Variants in GAS2 observed in about 807,000 individuals in gnomAD.
GAS2 encodes growth arrest-specific protein 2.
In GAS2, 20 loss-of-function variants were observed where a neutral mutation model predicts 37.5. That is an observed-to-expected ratio of 0.53 (90% CI 0.37 to 0.77). The LOEUF (loss-of-function observed/expected upper bound fraction) is 0.77. GAS2 is among the 30% of genes least tolerant of loss of function. The probability of loss-of-function intolerance (pLI) is 0.00; values close to 1 mark genes in which losing one functional copy is unlikely to be tolerated. For synonymous variants in GAS2, 144 were observed against 132.2 expected (o/e 1.09, Z -0.61); for missense variants, 336 against 373.4 (o/e 0.90, Z 0.82).
intron 4 of GAS2, among the ~76,000 whole-genome samples, chr11:22,728,718 T>C (rs1251613318): frequency 5.9e-5 from 9 of 151,806 alleles, no homozygotes; most frequent in East Asian, 3.9e-4. Context: ...TGATATGTAA[T>C]AGGCTCTAGG....
intron 7 of GAS2, among the ~76,000 whole-genome samples, chr11:22,768,426 A>C (rs1854806588): frequency 6.6e-6 from 1 of 152,154 alleles, no homozygotes; most frequent in Non-Finnish European, 1.5e-5. Context: ...TATCTCTTTT[A>C]CACACCAGCT....
intron 3 of GAS2, among the ~76,000 whole-genome samples, chr11:22,691,499 G>A (rs1016028577): frequency 2.0e-5 from 3 of 152,134 alleles, no homozygotes; most frequent in Non-Finnish European, 2.9e-5. Context: ...TGCAATAAAA[G>A]GTTTTGTATG....
At chr11:22,805,480 CCT>C (rs1358074367) in intron 7 of GAS2, among the ~76,000 whole-genome samples, 1 of 152,032 alleles carries the variant, frequency 6.6e-6, no homozygotes, top group Non-Finnish European at 1.5e-5. Context: ...ACTTATTCCT[CCT>C]ATCTTTCTGT....
intron 4 of GAS2, among the ~76,000 whole-genome samples, chr11:22,728,148 T>C (rs770344406): frequency 6.6e-5 from 10 of 152,014 alleles, no homozygotes; most frequent in Non-Finnish European, 1.5e-4. Flanking sequence ...ATAGGATAAA[T>C]TGGTTAATAA....
At chr11:22,783,956 G>A (rs545849036) in intron 7 of GAS2, among the ~76,000 whole-genome samples, 25 of 152,160 alleles carry the variant, frequency 1.6e-4, no homozygotes, top group Admixed American at 2.6e-4. Flanking sequence ...TTGATTGTGC[G>A]TGTGTGGCTT....
intron 7 of GAS2, among the ~76,000 whole-genome samples, chr11:22,797,101 A>C (rs999635645): frequency 6.6e-6 from 1 of 152,058 alleles, no homozygotes; most frequent in Non-Finnish European, 1.5e-5. Flanking sequence ...AATTAGATGG[A>C]GACTAAGCCT....
chr11:22,808,529 A>G (rs1209918288), intron 7 of GAS2, among the ~76,000 whole-genome samples: 1 of 152,176 alleles, frequency 6.6e-6, no homozygotes, highest in Non-Finnish European at 1.5e-5. Context: ...AGCAAACTGA[A>G]TATGTGCCTA....
chr11:22,649,046 T>C lies in GAS2; in HGVS notation c.-21+23233T>C, dbSNP rs191385988. ...TTTGCCCATTCAGTATGATATTGGC[T>C]GTGGGTTTGTCACAGATAGCTCCTA... On this transcript the variant is annotated intron_variant, in intron 1 of 5. Coordinates refer to the GAS2 transcript ENST00000528582. Among the ~76,000 whole-genome samples the C allele has an allele frequency of 5.6e-3, 854 of 152,324 alleles. 7 individuals carry two copies. The highest frequency in any genetic ancestry group is 0.019 in the African/African-American group (775 of 41,560).
rs144300763 is a variant in GAS2, at chr11:22,700,074, C to T, written c.267+14285C>T. On this transcript the variant is annotated intron_variant, in intron 3 of 7. Coordinates refer to ENST00000454584, the MANE Select transcript of GAS2 (RefSeq NM_001143830.3). ...GGCCTCTTTCTTACGGTTTGTCCATCTGCATGTTAACCCCTCTTTCTTGTA... is the reference window on the plus strand; with the variant it reads ...GGCCTCTTTCTTACGGTTTGTCCATTTGCATGTTAACCCCTCTTTCTTGTA... Among the ~76,000 whole-genome samples, 228 of 152,296 alleles carry T rather than the reference C, an allele frequency of 1.5e-3. 1 individual carries two copies. Among genetic ancestry groups the T allele is most frequent in the African/African-American group, 5.2e-3 (216 of 41,560 alleles).
upstream of GAS2, among the ~76,000 whole-genome samples, chr11:22,665,568 C>T (rs1848970771): frequency 6.6e-6 from 1 of 152,046 alleles, no homozygotes. Flanking sequence ...TTTTTCCCTT[C>T]TTTTAGAAAG....
intron 3 of GAS2, among the ~76,000 whole-genome samples, chr11:22,708,570 TGG>T (rs1203013555): frequency 6.6e-6 from 1 of 152,162 alleles, no homozygotes; most frequent in Non-Finnish European, 1.5e-5. Context: ...TCAGGCAGTC[TGG>T]TTCCAAATGT....
At chr11:22,711,579 T>C (rs1458914414) in intron 3 of GAS2, among the ~76,000 whole-genome samples, 2 of 152,230 alleles carry the variant, frequency 1.3e-5, no homozygotes, top group African/African-American at 2.4e-5. Flanking sequence ...CCCTGCTTGC[T>C]TTCTCAATTG....
intron 1 of GAS2, among the ~76,000 whole-genome samples, chr11:22,633,449 G>A (rs1858772877): frequency 6.6e-6 from 1 of 152,152 alleles, no homozygotes; most frequent in Admixed American, 6.5e-5. Flanking sequence ...TGACAAAGAT[G>A]TCACAAAGCT....
At chr11:22,776,647 T>C (rs1391922710) in intron 7 of GAS2, among the ~76,000 whole-genome samples, 1 of 152,212 alleles carries the variant, frequency 6.6e-6, no homozygotes, top group East Asian at 1.9e-4. Flanking sequence ...TTACATATTA[T>C]ACATTTATAG....
intron 7 of GAS2, among the ~76,000 whole-genome samples, chr11:22,777,404 T>C (rs558108671): frequency 6.6e-6 from 1 of 152,286 alleles, no homozygotes; most frequent in African/African-American, 2.4e-5. Context: ...AAAAGTTCCA[T>C]GAAGCAGCAT....
chr11:22,692,076 G>A (rs1402225074), intron 3 of GAS2, among the ~76,000 whole-genome samples: 1 of 152,052 alleles, frequency 6.6e-6, no homozygotes, highest in Non-Finnish European at 1.5e-5. Context: ...AGAATAAAAA[G>A]AATGGTATGT....
Position 22,696,265 on chromosome 11 carries a change from C to A in GAS2, c.267+10476C>A, listed in dbSNP as rs375796525. Among the ~76,000 whole-genome samples the A allele has an allele frequency of 2.1e-3, 314 of 151,906 alleles. 7 individuals carry two copies. The East Asian group carries it at 0.05, about 24-fold the overall frequency. ...ATTTCATCCATGTCGCTACAAAGGA[C>A]ATGAACTCATCATTTTTTATGGCTG... On this transcript the variant is annotated intron_variant, in intron 3 of 7. Coordinates refer to ENST00000454584, the MANE Select transcript of GAS2 (RefSeq NM_001143830.3).
intron 7 of GAS2, among the ~76,000 whole-genome samples, chr11:22,797,026 G>A (rs966352713): frequency 6.6e-6 from 1 of 151,994 alleles, no homozygotes; most frequent in Non-Finnish European, 1.5e-5. Context: ...TCACTATGCT[G>A]ACTGTTCTGT....
intron 4 of GAS2, 68 bp from the exon 5 acceptor site, chr11:22,737,637 C>A: frequency 6.9e-7 from 1 of 1,443,862 alleles, no homozygotes; most frequent in Non-Finnish European, 9.8e-7. Flanking sequence ...GGGTCATTGG[C>A]AAGCCTGTGC....
Sources: allele counts gnomAD v4.1 joint callset (sites outside exome capture counted in the v4.1 genomes callset), GRCh38; gene constraint gnomAD v4.1.1; transcripts MANE v1.5; gene names NCBI Gene and HGNC (gene_info 2026-07-23, HGNC 2026-07-21).